PALLD: variants seen among roughly 807,000 people sequenced by gnomAD.
PALLD encodes the protein palladin.
PALLD carries 61 observed loss-of-function variants against 123.5 expected under a neutral mutation model. The observed-to-expected ratio is 0.49, with a 90% CI of 0.40 to 0.61. The LOEUF is 0.61. Among genes scored for constraint, PALLD ranks in the 20% least tolerant of loss-of-function variants. PALLD has a pLI of 0.00. For missense variants in PALLD, 1,273 were observed against 1,377.0 expected (o/e 0.92, Z 1.20); for synonymous variants, 465 against 496.4 (o/e 0.94, Z 0.84).
At chr4:168,709,331 GA>G (rs1270072290) in intron 9 of PALLD, among the ~76,000 whole-genome samples, 184 bp downstream of exon 9, 5 of 151,308 alleles carry the variant, frequency 3.3e-5, no homozygotes, top group Admixed American at 1.3e-4. Context: ...TTAACATGGT[GA>G]AACCCTGTCT....
chr4:168,616,572 C>T (rs1774241866), intron 2 of PALLD, among the ~76,000 whole-genome samples: 1 of 152,158 alleles, frequency 6.6e-6, no homozygotes, highest in African/African-American at 2.4e-5. Flanking sequence ...ATACCTCGGC[C>T]TCTCTACTCC....
chr4:168,830,749 A>T (rs572605021), intron 10 of PALLD, among the ~76,000 whole-genome samples: 1 of 152,360 alleles, frequency 6.6e-6, no homozygotes, highest in African/African-American at 2.4e-5. Flanking sequence ...TTAAAAGTCA[A>T]TAAAGATATT....
intron 10 of PALLD, among the ~76,000 whole-genome samples, chr4:168,775,245 G>A (rs1735019266): frequency 6.6e-6 from 1 of 152,154 alleles, no homozygotes; most frequent in African/African-American, 2.4e-5. Flanking sequence ...TTTAACAGGT[G>A]TGTAGTAGAA....
intron 10 of PALLD, among the ~76,000 whole-genome samples, chr4:168,788,079 C>T (rs557784397): frequency 1.3e-5 from 2 of 152,244 alleles, no homozygotes; most frequent in Non-Finnish European, 1.5e-5. Flanking sequence ...GTGTAGCATG[C>T]GATTCCAAAA....
At chr4:168,732,066 TG>T (rs1186204827) in intron 10 of PALLD, among the ~76,000 whole-genome samples, 2 of 152,228 alleles carry the variant, frequency 1.3e-5, no homozygotes, top group Non-Finnish European at 2.9e-5. Context: ...CCAGGAATTT[TG>T]TTTTAACAAC....
chr4:168,556,999 A>T (rs1401682773), intron 2 of PALLD, among the ~76,000 whole-genome samples: 1 of 149,732 alleles, frequency 6.7e-6, no homozygotes, highest in East Asian at 1.9e-4. Flanking sequence ...AACTGTCAGT[A>T]TTCAATGGGC....
intron 2 of PALLD, among the ~76,000 whole-genome samples, chr4:168,534,350 G>C: frequency 6.6e-6 from 1 of 152,368 alleles, no homozygotes; most frequent in African/African-American, 2.4e-5. Context: ...CTGAGAGTCA[G>C]TCAGAGGACA....
chr4:168,803,319 TA>T (rs1739635810), intron 10 of PALLD, among the ~76,000 whole-genome samples: 1 of 152,034 alleles, frequency 6.6e-6, no homozygotes, highest in African/African-American at 2.4e-5. Flanking sequence ...CACACACTCT[TA>T]AACAACCAGA....
At chr4:168,569,128 C>A (rs151338431) in intron 2 of PALLD, among the ~76,000 whole-genome samples, 33 of 152,222 alleles carry the variant, frequency 2.2e-4, no homozygotes, top group Non-Finnish European at 4.3e-4. Context: ...CCTTTACCTG[C>A]CTTGGTGAGC....
intron 2 of PALLD, among the ~76,000 whole-genome samples, chr4:168,589,083 C>T (rs1771138840): frequency 6.6e-6 from 1 of 152,252 alleles, no homozygotes; most frequent in East Asian, 1.9e-4. Context: ...TCAAGCACAA[C>T]TGTACTGGTT....
At chr4:168,628,349 A>G (rs1775497680) in intron 2 of PALLD, among the ~76,000 whole-genome samples, 1 of 152,132 alleles carries the variant, frequency 6.6e-6, no homozygotes, top group African/African-American at 2.4e-5. Flanking sequence ...AGACCCTCCA[A>G]TGGCTGTCTG....
chr4:168,813,621 C>T (rs768105858), intron 10 of PALLD, among the ~76,000 whole-genome samples: 2 of 152,066 alleles, frequency 1.3e-5, no homozygotes, highest in Non-Finnish European at 2.9e-5. Flanking sequence ...CCACACCCAG[C>T]TAATTTTTAA....
At chr4:168,664,112 G>A (rs1779390154) in intron 2 of PALLD, among the ~76,000 whole-genome samples, 1 of 152,090 alleles carries the variant, frequency 6.6e-6, no homozygotes, top group Non-Finnish European at 1.5e-5. Flanking sequence ...GTTTAACGTT[G>A]TCTCAATCCA....
At chr4:168,834,129 G>A (rs1343683305) in intron 10 of PALLD, among the ~76,000 whole-genome samples, 1 of 151,950 alleles carries the variant, frequency 6.6e-6, no homozygotes, top group African/African-American at 2.4e-5. Context: ...AGCAAAATAT[G>A]CCAACATCCA....
intron 10 of PALLD, among the ~76,000 whole-genome samples, chr4:168,867,662 A>T (rs1226832938): frequency 6.6e-6 from 1 of 152,154 alleles, no homozygotes; most frequent in Non-Finnish European, 1.5e-5. Flanking sequence ...TATGAACAAT[A>T]TATGAATTCA....
intron 10 of PALLD, among the ~76,000 whole-genome samples, chr4:168,748,556 C>T (rs370500546): frequency 1.3e-5 from 2 of 152,286 alleles, no homozygotes; most frequent in Admixed American, 6.5e-5. Flanking sequence ...TAATAAGCTT[C>T]GTAAGTTCCT....
At chr4:168,622,071 TGAA>T (rs1275592516) in intron 2 of PALLD, among the ~76,000 whole-genome samples, 1 of 152,160 alleles carries the variant, frequency 6.6e-6, no homozygotes, top group East Asian at 1.9e-4. Flanking sequence ...ACCAGAGACC[TGAA>T]GAAGATTCTG....
At position 168,542,282 on chromosome 4, in the gene PALLD, G is replaced by A. The variant is rs151236480; in HGVS notation, c.908+29870G>A. On this transcript the variant is annotated intron_variant, in intron 2 of 21. Transcript: ENST00000505667. ...ACCGCCACTCATGGCTAGACATGGT[G>A]GGTTGTGCCTGTGGTCCCAGCTACT... Among the ~76,000 whole-genome samples, 311 of 152,208 alleles carry A rather than the reference G, an allele frequency of 2.0e-3. 2 individuals are homozygous for A. Among genetic ancestry groups the A allele is most frequent in the African/African-American group, 7.3e-3 (305 of 41,502 alleles).
intron 10 of PALLD, among the ~76,000 whole-genome samples, chr4:168,723,669 A>C (rs1339993725): frequency 6.6e-6 from 1 of 152,234 alleles, no homozygotes; most frequent in Non-Finnish European, 1.5e-5. Flanking sequence ...GCTAGAGCAC[A>C]CTACTCTGTA....
Sources: gnomAD v4.1 joint callset for allele counts (sites outside exome capture counted in the v4.1 genomes callset) on GRCh38, gnomAD v4.1.1 for gene constraint, MANE v1.5 for transcripts, NCBI Gene and HGNC (gene_info 2026-07-23, HGNC 2026-07-21) for gene names.